NDUFAF7: variants seen among roughly 807,000 people sequenced by gnomAD.
The protein encoded by NDUFAF7 is protein arginine methyltransferase NDUFAF7, mitochondrial.
In NDUFAF7, 48 loss-of-function variants were observed where a neutral mutation model predicts 47.2. That is an observed-to-expected ratio of 1.02 (90% CI 0.81 to 1.29). The LOEUF is 1.29. NDUFAF7 is among the 50% of genes most tolerant of loss of function. NDUFAF7 has a pLI of 0.00. For missense variants in NDUFAF7, 635 were observed against 537.6 expected, an observed-to-expected ratio of 1.18 and a Z score of -1.79; for synonymous variants, 217 against 190.0, an observed-to-expected ratio of 1.14 and a Z score of -1.17.
intron 2 of NDUFAF7, 95 bp downstream of exon 2, chr2:37,232,361 GT>G: frequency 6.6e-7 from 1 of 1,512,686 alleles, no homozygotes; most frequent in Non-Finnish European, 9.2e-7. Context: ...AGCCCAGGCA[GT>G]GGGGGTGCCT....
In NDUFAF7 at chr2:37,232,267, G is replaced by T. The variant is rs1665237065; in HGVS notation, c.216+1G>T. The T allele has an allele frequency of 6.2e-7, 1 of 1,612,704 alleles. No homozygotes were observed. The highest frequency in any genetic ancestry group is 8.5e-7 in the Non-Finnish European group (1 of 1,179,974). On this transcript the variant is annotated splice_donor_variant, in intron 2 of 9. Transcript: ENST00000002125. LOFTEE classifies it high-confidence loss of function. Reference sequence around the variant, plus strand: ...GGAGGTGTTGACTAATCCAGCCAAGGTATGGGTCGGGTAGCCCGAGGACTA... The same window carrying T: ...GGAGGTGTTGACTAATCCAGCCAAGTTATGGGTCGGGTAGCCCGAGGACTA...
downstream of NDUFAF7, among the ~76,000 whole-genome samples, chr2:37,250,103 T>G (rs925718403): frequency 3.3e-5 from 5 of 152,032 alleles, no homozygotes; most frequent in African/African-American, 9.7e-5. Flanking sequence ...CACAAGACAG[T>G]TCTTCCAATG....
At position 37,246,094 on chromosome 2, in the gene NDUFAF7, G is replaced by C; in HGVS notation, c.835G>C (p.Gly279Arg). The C allele has an allele frequency of 6.2e-7, 1 of 1,613,830 alleles. No individual in the cohort carries two copies. The highest frequency in any genetic ancestry group is 1.3e-5 in the African/African-American group (1 of 75,014). The change falls in exon 8 of 10, where the codon GGT becomes CGT. Residue 279 changes from glycine to arginine, a missense_variant. Physicochemically the swap from Gly to Arg is moderately radical, Grantham distance 125 (BLOSUM62 -2). Coordinates refer to ENST00000002125, the MANE Select transcript of NDUFAF7 (RefSeq NM_144736.5). ...RDHVEVCPDA[G>R]VIIEELSQRI... ...TCATGTTGAAGTGTGTCCTGATGCT[G>C]GTGTTATCATCGAGGAACTTTCTCA... is the stretch of plus-strand genomic sequence containing the variant.
chr2:37,235,372 G>T (rs1178689726), intron 2 of NDUFAF7, among the ~76,000 whole-genome samples: 1 of 152,086 alleles, frequency 6.6e-6, no homozygotes, highest in Non-Finnish European at 1.5e-5. Context: ...CATGTAACCA[G>T]CACCCAAATC....
At chr2:37,233,051 G>A (rs1665350437) in intron 2 of NDUFAF7, among the ~76,000 whole-genome samples, 1 of 152,318 alleles carries the variant, frequency 6.6e-6, no homozygotes. Flanking sequence ...AAGATAGGTG[G>A]CTTAGACTAG....
chr2:37,267,331 C>CT, the NDUFAF7 span: 2 of 775,880 alleles, frequency 2.6e-6, no homozygotes, highest in Non-Finnish European at 4.0e-6. Flanking sequence ...TTACCATAAT[C>CT]TAATTTTGCC....
chr2:37,251,366 TACTA>T (rs958190482), downstream of NDUFAF7: 4 of 152,724 alleles, frequency 2.6e-5, no homozygotes, highest in East Asian at 1.9e-4. Flanking sequence ...TCTCAAATAC[TACTA>T]ACTGTTTGAA....
At chr2:37,270,364 A>C in the NDUFAF7 span, among the ~76,000 whole-genome samples, 2 of 151,672 alleles carry the variant, frequency 1.3e-5, no homozygotes, top group African/African-American at 2.4e-5. Flanking sequence ...AAAAAAAAAA[A>C]AAAACTCAAA....
the NDUFAF7 span, among the ~76,000 whole-genome samples, chr2:37,258,670 C>A: frequency 0.028 from 4,214 of 152,120 alleles, 184 homozygotes; most frequent in African/African-American, 0.096. Context: ...ATCAGGCAAC[C>A]CTTTCGACCT....
At chr2:37,268,103 T>G in the NDUFAF7 span, 1 of 314,188 alleles carries the variant, frequency 3.2e-6, no homozygotes, top group South Asian at 2.7e-5. Flanking sequence ...GTACTAGGTA[T>G]GCCTTTAGAT....
the NDUFAF7 span, among the ~76,000 whole-genome samples, chr2:37,270,334 GCT>G: frequency 7.1e-6 from 1 of 140,398 alleles, no homozygotes; most frequent in Non-Finnish European, 1.5e-5. Context: ...AAGGAGATTT[GCT>G]CTCATTGATT....
the NDUFAF7 span, among the ~76,000 whole-genome samples, chr2:37,264,361 G>C: frequency 6.6e-6 from 1 of 152,032 alleles, no homozygotes; most frequent in Non-Finnish European, 1.5e-5. Flanking sequence ...GGGTATTCTG[G>C]ATTCATTATT....
chr2:37,263,443 C>T, the NDUFAF7 span, among the ~76,000 whole-genome samples: 1 of 152,094 alleles, frequency 6.6e-6, no homozygotes, highest in African/African-American at 2.4e-5. Context: ...TTAGATCTAC[C>T]TTACTATGTT....
chr2:37,244,962 T>TTA (rs1274725603), intron 7 of NDUFAF7, among the ~76,000 whole-genome samples: 1 of 152,170 alleles, frequency 6.6e-6, no homozygotes, highest in Non-Finnish European at 1.5e-5. Context: ...ATGAGATGCG[T>TTA]GGTAATACAT....
At chr2:37,248,114 T>G (rs1349013288) in intron 9 of NDUFAF7, 21 bp from the exon 10 acceptor site, 1 of 1,581,932 alleles carries the variant, frequency 6.3e-7, no homozygotes, top group South Asian at 1.1e-5. Context: ...TTATTTTTGC[T>G]AAGAATTTTT....
Position 37,232,164 on chromosome 2 carries a change from C to T in NDUFAF7, c.114C>T (p.Asn38=), listed in dbSNP as rs1240956137. The change falls in exon 2 of 10, where the codon AAC becomes AAT. Residue 38 remains asparagine, a synonymous_variant. Transcript: ENST00000002125. ...GCTCCGGGAATGAGCCTGCAGAAAA[C>T]CCGGTGACGCCGATGCTGCGGCATC... ...YFSSGNEPAE[N]PVTPMLRHLM... The T allele has an allele frequency of 6.2e-7, 1 of 1,614,178 alleles. No homozygotes were observed. The highest frequency in any genetic ancestry group is 8.5e-7 in the Non-Finnish European group (1 of 1,180,038).
At chr2:37,257,614 C>T (rs370808147), downstream of NDUFAF7, among the ~76,000 whole-genome samples, 37 of 132,406 alleles carry the variant, frequency 2.8e-4, no homozygotes, top group African/African-American at 6.9e-4. Flanking sequence ...TGCAGTGAGT[C>T]GAGATTACGC....
chr2:37,235,961 C>T (rs2148394690), intron 2 of NDUFAF7, 135 bp from the exon 3 acceptor site: 1 of 771,816 alleles, frequency 1.3e-6, no homozygotes, highest in East Asian at 2.9e-5. Flanking sequence ...CCTGGCTCCC[C>T]TTGCTTATTT....
At chr2:37,238,877 AAG>A (rs2148408126) in intron 4 of NDUFAF7, among the ~76,000 whole-genome samples, 1 of 151,302 alleles carries the variant, frequency 6.6e-6, no homozygotes, top group South Asian at 2.1e-4. Flanking sequence ...CCATTCATAA[AAG>A]AGGAAAATAC....
Sources: allele counts gnomAD v4.1 joint callset (sites outside exome capture counted in the v4.1 genomes callset), GRCh38; gene constraint gnomAD v4.1.1; transcripts MANE v1.5; gene names NCBI Gene and HGNC (gene_info 2026-07-23, HGNC 2026-07-21).